The following LOC128092252 variants were observed in gnomAD, a reference collection of about 807,000 sequenced individuals.
chr15:50,658,925 G>A, the LOC128092252 span, among the ~76,000 whole-genome samples: 9 of 152,190 alleles, frequency 5.9e-5, no homozygotes, highest in Non-Finnish European at 1.0e-4. Context: ...GTGGCCAGGC[G>A]CAGTGGCTCA....
At chr15:50,649,042 T>C in the LOC128092252 span, among the ~76,000 whole-genome samples, 1 of 152,178 alleles carries the variant, frequency 6.6e-6, no homozygotes, top group Admixed American at 6.5e-5. Flanking sequence ...TATCTATATA[T>C]TAATACCTTC....
At chr15:50,686,439 C>A in the LOC128092252 span, 11 of 1,601,512 alleles carry the variant, frequency 6.9e-6, no homozygotes, top group Admixed American at 1.7e-4. Flanking sequence ...CCGCATGGAA[C>A]GCGGCTCCCC....
the LOC128092252 span, among the ~76,000 whole-genome samples, chr15:50,670,074 C>CTGAG: frequency 6.6e-6 from 1 of 152,050 alleles, no homozygotes; most frequent in Admixed American, 6.6e-5. Context: ...TATGGATGGC[C>CTGAG]CTCAGCAAAC....
the LOC128092252 span, among the ~76,000 whole-genome samples, chr15:50,658,728 A>T: frequency 1.3e-5 from 2 of 152,262 alleles, no homozygotes; most frequent in Non-Finnish European, 2.9e-5. Flanking sequence ...CCAGTTCTAA[A>T]AGCATAGGCT....
chr15:50,651,843 C>T, the LOC128092252 span, among the ~76,000 whole-genome samples: 110 of 151,638 alleles, frequency 7.3e-4, no homozygotes, highest in African/African-American at 2.5e-3. Context: ...GCTGAGATCG[C>T]GCCACTGCAC....
At chr15:50,657,816 G>A in the LOC128092252 span, 1 of 1,610,474 alleles carries the variant, frequency 6.2e-7, no homozygotes, top group South Asian at 1.1e-5. Context: ...ATCCTGGAAG[G>A]CATCTATTGA....
chr15:50,680,202 C>G, the LOC128092252 span, among the ~76,000 whole-genome samples: 1 of 151,208 alleles, frequency 6.6e-6, no homozygotes, highest in Admixed American at 6.6e-5. Context: ...CCACTGCACT[C>G]CAGCCTGGGT....
the LOC128092252 span, among the ~76,000 whole-genome samples, chr15:50,659,693 AG>A: frequency 1.2e-4 from 18 of 150,976 alleles, no homozygotes; most frequent in Admixed American, 5.3e-4. Flanking sequence ...TTTGAGATGG[AG>A]TCTCACTCTG....
the LOC128092252 span, among the ~76,000 whole-genome samples, chr15:50,663,494 C>A: frequency 3.4e-3 from 511 of 152,184 alleles, 5 homozygotes; most frequent in African/African-American, 0.012. Context: ...GAGGATGGCA[C>A]CCCAAAACGT....
the LOC128092252 span, chr15:50,686,543 G>C: frequency 1.6e-5 from 26 of 1,610,726 alleles, no homozygotes; most frequent in African/African-American, 2.7e-5. Flanking sequence ...TTCTCCTCAC[G>C]GGGCGGACTC....
the LOC128092252 span, among the ~76,000 whole-genome samples, chr15:50,660,887 TG>T: frequency 6.6e-6 from 1 of 152,102 alleles, no homozygotes; most frequent in Non-Finnish European, 1.5e-5. Flanking sequence ...AAATTTTAAA[TG>T]GCTAAAAATC....
At chr15:50,663,946 G>C in the LOC128092252 span, among the ~76,000 whole-genome samples, 2 of 150,542 alleles carry the variant, frequency 1.3e-5, no homozygotes, top group Non-Finnish European at 3.0e-5. Flanking sequence ...CTGAGTGAAA[G>C]AGTGAGAGAC....
chr15:50,675,796 T>A, the LOC128092252 span, among the ~76,000 whole-genome samples: 7 of 152,212 alleles, frequency 4.6e-5, no homozygotes, highest in Non-Finnish European at 8.8e-5. Flanking sequence ...ATGTAAAAAG[T>A]AACTATATCC....
the LOC128092252 span, among the ~76,000 whole-genome samples, chr15:50,680,704 T>C: frequency 6.6e-6 from 1 of 152,198 alleles, no homozygotes; most frequent in Non-Finnish European, 1.5e-5. Flanking sequence ...CAGCAAACTT[T>C]TTAAGTTATA....
chr15:50,682,376 G>A, the LOC128092252 span, among the ~76,000 whole-genome samples: 4 of 149,690 alleles, frequency 2.7e-5, no homozygotes, highest in Non-Finnish European at 4.5e-5. Context: ...TCAAGAGATC[G>A]AGACCAGCCT....
chr15:50,683,025 G>C, the LOC128092252 span, among the ~76,000 whole-genome samples: 5 of 151,726 alleles, frequency 3.3e-5, no homozygotes. Flanking sequence ...TGGGACCACA[G>C]GTGCGCATCA....
At chr15:50,684,576 G>T in the LOC128092252 span, among the ~76,000 whole-genome samples, 1 of 151,890 alleles carries the variant, frequency 6.6e-6, no homozygotes, top group South Asian at 2.1e-4. Context: ...AGGAGGCGGA[G>T]GCTGCAGTCA....
chr15:50,678,520 ATATAT>A, the LOC128092252 span, among the ~76,000 whole-genome samples: 106 of 100,446 alleles, frequency 1.1e-3, no homozygotes, highest in African/African-American at 3.2e-3. Context: ...AAAAAAAAAT[ATATAT>A]ATATATATAT....
the LOC128092252 span, among the ~76,000 whole-genome samples, chr15:50,664,516 C>T: frequency 0.022 from 3,305 of 152,006 alleles, 117 homozygotes; most frequent in African/African-American, 0.077. Context: ...TTATTACAAA[C>T]GTTAAATCTG....
Sources: allele counts gnomAD v4.1 joint callset (sites outside exome capture counted in the v4.1 genomes callset), GRCh38; gene constraint gnomAD v4.1.1; transcripts MANE v1.5.